The following TMTC1 variants were observed in gnomAD, a reference collection of about 807,000 sequenced individuals.
The protein encoded by TMTC1 is protein O-mannosyl-transferase TMTC1.
TMTC1 carries 73 observed loss-of-function variants against 104.8 expected under a neutral mutation model. The ratio of observed to expected loss-of-function variants is 0.70; its 90% CI spans 0.58 to 0.85. The LOEUF (loss-of-function observed/expected upper bound fraction) is 0.85, where lower values mean the gene tolerates loss of function less well. Among genes scored for constraint, TMTC1 ranks in the 40% least tolerant of loss-of-function variants. TMTC1 has a pLI of 0.00. For synonymous variants in TMTC1, 434 were observed against 428.7 expected (o/e 1.01, Z -0.15); for missense variants, 1,035 against 1,096.1 (o/e 0.94, Z 0.79).
intron 11 of TMTC1, among the ~76,000 whole-genome samples, chr12:29,528,636 G>A (rs897845081): frequency 3.9e-5 from 6 of 152,170 alleles, no homozygotes; most frequent in Non-Finnish European, 8.8e-5. Flanking sequence ...GAGCCAAATC[G>A]TGTGTTTGGA....
rs11050400 is a variant in TMTC1, at chr12:29,703,944, C to A, written c.938+47722G>T. On this transcript the variant is annotated intron_variant, in intron 5 of 17. Transcript: ENST00000539277. ...CATCTTGAATTGTAGCTCCCATAAT[C>A]CCCATGTAATGGGAGGTAACTGAAT... 0.03 allele frequency among the ~76,000 whole-genome samples: 4,557 copies of A among 152,212 alleles called. 414 individuals are homozygous for A. In the East Asian group the frequency reaches 0.31, roughly 10 times the overall value.
chr12:29,569,219 A>G (rs1229603065), intron 9 of TMTC1, among the ~76,000 whole-genome samples: 1 of 152,184 alleles, frequency 6.6e-6, no homozygotes, highest in Non-Finnish European at 1.5e-5. Context: ...ATTATTCAAA[A>G]AATAAAAAAA....
chr12:29,591,109 A>C (rs1946269917), intron 7 of TMTC1, among the ~76,000 whole-genome samples: 1 of 152,236 alleles, frequency 6.6e-6, no homozygotes, highest in African/African-American at 2.4e-5. Flanking sequence ...TAAGCCATAC[A>C]AAATAATCTC....
At chr12:29,640,539 G>A (rs1193748237) in intron 5 of TMTC1, 1 of 152,222 alleles carries the variant, frequency 6.6e-6, no homozygotes, top group African/African-American at 2.4e-5. Context: ...GTCTGTTTGT[G>A]GGAGAAGTTT....
At chr12:29,573,789 A>T (rs1945746184) in intron 8 of TMTC1, among the ~76,000 whole-genome samples, 2 of 152,102 alleles carry the variant, frequency 1.3e-5, no homozygotes, top group African/African-American at 4.8e-5. Flanking sequence ...TAGCGTGGAG[A>T]GAGTCTAACG....
chr12:29,608,331 A>T (rs181829301), intron 6 of TMTC1, among the ~76,000 whole-genome samples: 7 of 152,348 alleles, frequency 4.6e-5, no homozygotes, highest in Non-Finnish European at 8.8e-5. Context: ...ATACCCTAAC[A>T]AAATATGAGG....
At chr12:29,525,686 G>T (rs972086149) in intron 11 of TMTC1, among the ~76,000 whole-genome samples, 6 of 152,038 alleles carry the variant, frequency 3.9e-5, no homozygotes, top group Non-Finnish European at 8.8e-5. Context: ...AGTAAATGAG[G>T]TTTTGTTATT....
At chr12:29,746,410 T>C (rs1942957305) in intron 5 of TMTC1, among the ~76,000 whole-genome samples, 1 of 152,188 alleles carries the variant, frequency 6.6e-6, no homozygotes, top group African/African-American at 2.4e-5. Context: ...AAATCTCATA[T>C]CACTAGCTCA....
At chr12:29,717,805 GA>G (rs1263118965) in intron 5 of TMTC1, among the ~76,000 whole-genome samples, 1 of 152,082 alleles carries the variant, frequency 6.6e-6, no homozygotes, top group Non-Finnish European at 1.5e-5. Context: ...TTCCACAAAT[GA>G]AAAGACATGC....
chr12:29,696,490 T>C (rs945397873), intron 5 of TMTC1, among the ~76,000 whole-genome samples: 3 of 152,204 alleles, frequency 2.0e-5, no homozygotes, highest in East Asian at 1.9e-4. Flanking sequence ...TTCATGTTAA[T>C]TTTTAATATA....
intron 3 of TMTC1, among the ~76,000 whole-genome samples, chr12:29,756,804 A>T (rs1210270496): frequency 6.6e-6 from 1 of 152,206 alleles, no homozygotes; most frequent in East Asian, 1.9e-4. Context: ...GAACAATTGC[A>T]TAACATTATA....
intron 5 of TMTC1, among the ~76,000 whole-genome samples, chr12:29,646,327 A>G (rs563214981): frequency 6.6e-6 from 1 of 152,356 alleles, no homozygotes; most frequent in African/African-American, 2.4e-5. Flanking sequence ...GAATCCTTAA[A>G]TAAAAGCTCA....
At chr12:29,658,323 A>G (rs1203880140) in intron 5 of TMTC1, 1 of 152,164 alleles carries the variant, frequency 6.6e-6, no homozygotes, top group East Asian at 1.9e-4. Context: ...TTAATTTTTT[A>G]TATTTTTAAT....
chr12:29,751,024 TA>T (rs1466010377), intron 5 of TMTC1, among the ~76,000 whole-genome samples: 4 of 152,242 alleles, frequency 2.6e-5, no homozygotes, highest in African/African-American at 9.6e-5. Context: ...TCTGCTCAAA[TA>T]AACTCTTTAG....
chr12:29,654,256 C>T (rs1018493032), intron 5 of TMTC1, among the ~76,000 whole-genome samples: 12 of 152,064 alleles, frequency 7.9e-5, no homozygotes, highest in Admixed American at 7.2e-4. Context: ...AATAAAAAGA[C>T]AAACAACCCA....
At chr12:29,642,696 T>G (rs903382779) in intron 5 of TMTC1, among the ~76,000 whole-genome samples, 16 of 151,528 alleles carry the variant, frequency 1.1e-4, no homozygotes, top group Admixed American at 6.6e-5. Context: ...GAGGCCGAGG[T>G]GGGTGGATCA....
chr12:29,577,578 C>T (rs1945859217), intron 8 of TMTC1, among the ~76,000 whole-genome samples: 1 of 152,148 alleles, frequency 6.6e-6, no homozygotes, highest in South Asian at 2.1e-4. Flanking sequence ...GTGACCATTT[C>T]ATTCCCTTTG....
Position 29,582,419 on chromosome 12 carries a change from C to T in TMTC1, c.1418+988G>A, listed in dbSNP as rs150392696. 4.6e-5 allele frequency among the ~76,000 whole-genome samples: 7 copies of T among 152,304 alleles called. No individual in the cohort carries two copies. The East Asian group carries it at 1.2e-3, about 25-fold the overall frequency. Reference sequence around the variant, plus strand: ...CTTGGTCAGATCAGTCCTCTCAGTGCCTTGCTAGGGACAAGGGGCAGGCAT... The same window carrying T: ...CTTGGTCAGATCAGTCCTCTCAGTGTCTTGCTAGGGACAAGGGGCAGGCAT... On this transcript the variant is annotated intron_variant, in intron 8 of 17. Transcript: ENST00000539277.
At chr12:29,666,633 G>C (rs1222155801) in intron 5 of TMTC1, among the ~76,000 whole-genome samples, 1 of 152,074 alleles carries the variant, frequency 6.6e-6, no homozygotes, top group Non-Finnish European at 1.5e-5. Flanking sequence ...AGTTGGAAGA[G>C]AAAAACCACT....
Sources: gnomAD v4.1 joint callset for allele counts (sites outside exome capture counted in the v4.1 genomes callset) on GRCh38, gnomAD v4.1.1 for gene constraint, MANE v1.5 for transcripts, NCBI Gene and HGNC (gene_info 2026-07-23, HGNC 2026-07-21) for gene names.